GAK: variants seen among roughly 807,000 people sequenced by gnomAD.
GAK encodes cyclin-G-associated kinase.
GAK carries 79 observed loss-of-function variants against 143.9 expected under a neutral mutation model. The ratio of observed to expected loss-of-function variants is 0.55; its 90% CI spans 0.46 to 0.66. GAK has a LOEUF of 0.66. Among genes scored for constraint, GAK ranks in the 30% least tolerant of loss-of-function variants. The probability of loss-of-function intolerance (pLI) is 0.00; values close to 1 mark genes in which losing one functional copy is unlikely to be tolerated. For missense variants in GAK, 1,693 were observed against 1,779.7 expected, an observed-to-expected ratio of 0.95 and a Z score of 0.88; for synonymous variants, 881 against 765.5, an observed-to-expected ratio of 1.15 and a Z score of -2.49.
intron 1 of GAK, among the ~76,000 whole-genome samples, chr4:927,820 C>T (rs1258921872): frequency 6.6e-6 from 1 of 152,192 alleles, no homozygotes; most frequent in Non-Finnish European, 1.5e-5. Flanking sequence ...GCGCAGGCCC[C>T]GCACCCCTCC....
In GAK at chr4:859,681, A is replaced by G; in HGVS notation, c.3208T>C (p.Ser1070Pro). 6.2e-7 allele frequency: 1 copy of G among 1,601,262 alleles called. No individual in the cohort carries two copies. The highest frequency in any genetic ancestry group is 8.6e-7 in the Non-Finnish European group (1 of 1,169,348). ...TGAGACTTGGTCCAGCTGGCCTGAG[A>G]GCCACAAGGGGCCGGCTGACCTCCA... is the stretch of plus-strand genomic sequence containing the variant. ...SPGGQPAPCG[S>P]QASWTKSQNP... is the part of the protein sequence containing the mutation. Residue 1070 changes from serine to proline, a missense_variant, in exon 24 of 28, where the codon TCT becomes CCT. Physicochemically the swap from Ser to Pro is moderately conservative, Grantham distance 74. Coordinates refer to ENST00000314167, the MANE Select transcript of GAK (RefSeq NM_005255.4).
intron 1 of GAK, among the ~76,000 whole-genome samples, chr4:928,584 C>T (rs567417893): frequency 4.2e-4 from 64 of 152,266 alleles, no homozygotes; most frequent in African/African-American, 1.4e-3. Flanking sequence ...GGCCAGCATG[C>T]GGCCTCCCCT....
intron 4 of GAK, among the ~76,000 whole-genome samples, chr4:911,363 G>A (rs567305481): frequency 3.9e-5 from 6 of 152,272 alleles, no homozygotes; most frequent in East Asian, 1.9e-4. Flanking sequence ...CACCACTCAC[G>A]GAAGGCCACC....
intron 1 of GAK, among the ~76,000 whole-genome samples, chr4:922,471 C>A (rs1285281573): frequency 6.8e-6 from 1 of 147,676 alleles, no homozygotes; most frequent in East Asian, 2.1e-4. Context: ...GCTGAGATTG[C>A]GCCACTGCAC....
chr4:867,503 C>T (rs1751428166), intron 20 of GAK, 71 bp from the exon 21 acceptor site: 1 of 1,023,932 alleles, frequency 9.8e-7, no homozygotes, highest in East Asian at 2.6e-5. Flanking sequence ...ACGGCGCGTC[C>T]CTTCAGGGCC....
At chr4:871,657 C>A (rs960981567) in intron 18 of GAK, among the ~76,000 whole-genome samples, 1 of 148,826 alleles carries the variant, frequency 6.7e-6, no homozygotes, top group Non-Finnish European at 1.5e-5. Flanking sequence ...GGGAGCAGGG[C>A]AGGGGTCAGC....
At chr4:860,697 C>G (rs1750114586) in intron 23 of GAK, among the ~76,000 whole-genome samples, 1 of 151,938 alleles carries the variant, frequency 6.6e-6, no homozygotes, top group African/African-American at 2.4e-5. Context: ...GCACCTCGCA[C>G]TGTGCACACG....
At position 881,907 on chromosome 4, in the gene GAK, C is replaced by T; in HGVS notation, c.1661G>A (p.Arg554Lys). ...CPPGIWPSHK[R>K]YIEYMCDMVA... ...CTGTCCCCGGAGGGCCACGCAGTAC[C>T]TTTTGTGGGATGGCCAGATGCCTGG... Residue 554 changes from arginine to lysine, a missense_variant and splice_region_variant, in exon 15 of 28, where the codon AGG becomes AAG. This residue lies in a region of GAK where 871 missense variants were observed against 991.0 expected (regional missense o/e 0.88). Coordinates refer to ENST00000314167, the MANE Select transcript of GAK (RefSeq NM_005255.4). The T allele has an allele frequency of 6.3e-7, 1 of 1,585,710 alleles. No individual in the cohort carries two copies. The highest frequency in any genetic ancestry group is 8.6e-7 in the Non-Finnish European group (1 of 1,165,538).
chr4:871,681 G>A (rs1266844727), intron 18 of GAK, among the ~76,000 whole-genome samples: 1 of 151,850 alleles, frequency 6.6e-6, no homozygotes. Context: ...GCCCACCTTG[G>A]GGTGTCGGCC....
At chr4:893,850 C>T (rs745417986) in intron 8 of GAK, 24 bp downstream of exon 8, 30 of 1,558,318 alleles carry the variant, frequency 1.9e-5, no homozygotes, top group South Asian at 1.3e-4. Context: ...TCCTGCCCCA[C>T]GCACGCATTC....
At chr4:903,535 AG>A (rs1330781234) in intron 5 of GAK, among the ~76,000 whole-genome samples, 1 of 152,198 alleles carries the variant, frequency 6.6e-6, no homozygotes, top group South Asian at 2.1e-4. Context: ...GGGCCAAGGA[AG>A]GGGCACTGGG....
chr4:871,195 G>A (rs1712536370), intron 18 of GAK, among the ~76,000 whole-genome samples: 1 of 152,260 alleles, frequency 6.6e-6, no homozygotes, highest in Non-Finnish European at 1.5e-5. Flanking sequence ...TGTGTTCAAG[G>A]CAGAGGGGCA....
Position 849,623 on chromosome 4 carries a change from G to A in GAK, c.*50C>T, listed in dbSNP as rs376847865. On this transcript the variant is annotated 3_prime_UTR_variant, in exon 28 of 28. Coordinates refer to ENST00000314167, the MANE Select transcript of GAK (RefSeq NM_005255.4). ...CTCACGGTGGGGACCCAGGTCCCACGACGGCTCCCAACCTGTGGAGCTGTG... is the reference window on the plus strand; with the variant it reads ...CTCACGGTGGGGACCCAGGTCCCACAACGGCTCCCAACCTGTGGAGCTGTG... 1.6e-4 allele frequency: 237 copies of A among 1,462,950 alleles called. 1 individual carries two copies. The highest frequency in any genetic ancestry group is 6.5e-4 in the Admixed American group (36 of 55,366). The allele number at this position is 1,462,950 out of a possible 1,614,324, so 90.6% of individuals were successfully genotyped here.
intron 24 of GAK, among the ~76,000 whole-genome samples, chr4:856,424 TCACACCTGCTCAC>T (rs1311879515): frequency 3.2e-5 from 3 of 92,688 alleles, no homozygotes; most frequent in Non-Finnish European, 6.5e-5. Flanking sequence ...CCACAGCTGC[TCACACCTGCTCAC>T]CACAGCTGCT....
intron 18 of GAK, among the ~76,000 whole-genome samples, chr4:875,675 T>C (rs765449652): frequency 6.6e-6 from 1 of 152,210 alleles, no homozygotes; most frequent in Non-Finnish European, 1.5e-5. Context: ...CTGCCTGTGA[T>C]TGAGTAGAAA....
intron 17 of GAK, 28 bp from the exon 18 acceptor site, chr4:876,637 A>C (rs778067466): frequency 5.0e-6 from 8 of 1,597,882 alleles, no homozygotes; most frequent in Non-Finnish European, 6.9e-6. Flanking sequence ...ACGACACCCC[A>C]CGTGGAGGGT....
chr4:906,339 T>C (rs759626288), intron 4 of GAK, among the ~76,000 whole-genome samples: 2 of 152,220 alleles, frequency 1.3e-5, no homozygotes, highest in Non-Finnish European at 2.9e-5. Context: ...CATTCTCACA[T>C]TCACGACAGT....
intron 6 of GAK, among the ~76,000 whole-genome samples, chr4:897,598 T>C (rs760768971): frequency 2.6e-5 from 4 of 152,162 alleles, no homozygotes; most frequent in Non-Finnish European, 4.4e-5. Context: ...TGAGAGGGCA[T>C]GGATGGGGCC....
chr4:879,271 G>A (rs1031816102), intron 15 of GAK, among the ~76,000 whole-genome samples: 9 of 152,234 alleles, frequency 5.9e-5, no homozygotes, highest in African/African-American at 1.2e-4. Flanking sequence ...GTATGGCCGA[G>A]CTGTGCGTTT....
Sources: allele counts gnomAD v4.1 joint callset (sites outside exome capture counted in the v4.1 genomes callset), GRCh38; gene constraint gnomAD v4.1.1; regional missense constraint gnomAD v4.1.1; transcripts MANE v1.5; gene names NCBI Gene and HGNC (gene_info 2026-07-23, HGNC 2026-07-21).